The following CSMD3 variants were observed in gnomAD, a reference collection of about 807,000 sequenced individuals.
CSMD3 encodes the protein CUB and sushi domain-containing protein 3.
Under a neutral mutation model 435.2 loss-of-function variants are expected in CSMD3, and 177 were observed. That is an observed-to-expected ratio of 0.41 (90% CI 0.36 to 0.46). The LOEUF (loss-of-function observed/expected upper bound fraction) is 0.46, where lower values mean the gene tolerates loss of function less well. Ranked by LOEUF, CSMD3 falls within the 20% of genes least tolerant of loss-of-function variation. The pLI, the probability that CSMD3 is intolerant of heterozygous loss-of-function variation, is 0.34. For missense variants in CSMD3, 4,265 were observed against 4,504.6 expected (o/e 0.95, Z 1.52); for synonymous variants, 1,656 against 1,520.5 (o/e 1.09, Z -2.07).
chr8:112,253,768 T>A (rs2130249031), intron 63 of CSMD3, among the ~76,000 whole-genome samples: 1 of 152,174 alleles, frequency 6.6e-6, no homozygotes, highest in African/African-American at 2.4e-5. Flanking sequence ...GTTCTGGTTA[T>A]TTTTCAGCAA....
chr8:112,995,071 C>T (rs1483444346), intron 6 of CSMD3, among the ~76,000 whole-genome samples: 3 of 151,404 alleles, frequency 2.0e-5, no homozygotes, highest in Non-Finnish European at 3.0e-5. Flanking sequence ...GCACTATTCT[C>T]AGTCGGAAGA....
intron 45 of CSMD3, 74 bp downstream of exon 45, chr8:112,335,255 T>C: frequency 7.3e-7 from 1 of 1,372,742 alleles, no homozygotes; most frequent in Non-Finnish European, 1.0e-6. Context: ...TGGTTAAATA[T>C]ATATTACATT....
At chr8:112,521,290 G>T (rs997938631) in intron 27 of CSMD3, among the ~76,000 whole-genome samples, 90 of 152,020 alleles carry the variant, frequency 5.9e-4, no homozygotes, top group Admixed American at 1.0e-3. Context: ...ATTGTCTCCA[G>T]TTTTATCGTC....
intron 5 of CSMD3, among the ~76,000 whole-genome samples, chr8:113,088,960 T>C (rs1466077923): frequency 6.6e-6 from 1 of 152,202 alleles, no homozygotes; most frequent in Non-Finnish European, 1.5e-5. Context: ...CACCTGAATA[T>C]TGAACATTAA....
intron 32 of CSMD3, among the ~76,000 whole-genome samples, chr8:112,450,879 T>A (rs1816184340): frequency 6.6e-6 from 1 of 152,118 alleles, no homozygotes; most frequent in African/African-American, 2.4e-5. Flanking sequence ...ATGTGCATGC[T>A]CTCTGATCTG....
intron 10 of CSMD3, among the ~76,000 whole-genome samples, chr8:112,870,565 T>C (rs548482918): frequency 1.3e-5 from 2 of 152,074 alleles, no homozygotes; most frequent in Non-Finnish European, 2.9e-5. Context: ...CGTGAGCCAC[T>C]GCGCCCGGCC....
intron 4 of CSMD3, among the ~76,000 whole-genome samples, chr8:113,112,277 C>A (rs766046502): frequency 5.4e-5 from 8 of 149,082 alleles, no homozygotes; most frequent in Non-Finnish European, 1.2e-4. Flanking sequence ...GGTTGGATAC[C>A]AAGAATTGAC....
intron 1 of CSMD3, among the ~76,000 whole-genome samples, chr8:113,364,154 C>T (rs963331225): frequency 5.9e-5 from 9 of 152,016 alleles, no homozygotes; most frequent in African/African-American, 2.2e-4. Context: ...TGTTCTGGAG[C>T]CATTGGCTTA....
chr8:113,194,464 A>G (rs1024180707), intron 3 of CSMD3, among the ~76,000 whole-genome samples: 1 of 151,350 alleles, frequency 6.6e-6, no homozygotes, highest in African/African-American at 2.4e-5. Flanking sequence ...ATAGGAAACT[A>G]TGATGGTAGA....
chr8:112,936,962 A>T (rs1251218792), intron 9 of CSMD3, among the ~76,000 whole-genome samples: 1 of 152,116 alleles, frequency 6.6e-6, no homozygotes, highest in Non-Finnish European at 1.5e-5. Context: ...TTACATTAAC[A>T]TTGCAATTAC....
At chr8:112,797,181 C>T (rs1017981988) in intron 13 of CSMD3, among the ~76,000 whole-genome samples, 2 of 151,764 alleles carry the variant, frequency 1.3e-5, no homozygotes, top group African/African-American at 4.8e-5. Flanking sequence ...AATTTTTGTT[C>T]CTCTCTCAAT....
At chr8:112,801,085 C>A (rs566138808) in intron 12 of CSMD3, among the ~76,000 whole-genome samples, 3 of 151,914 alleles carry the variant, frequency 2.0e-5, no homozygotes, top group Non-Finnish European at 4.4e-5. Context: ...TAAATGTCCA[C>A]ATTGATAAGA....
At chr8:112,491,920 G>T (rs1820739721) in intron 31 of CSMD3, among the ~76,000 whole-genome samples, 1 of 151,954 alleles carries the variant, frequency 6.6e-6, no homozygotes, top group Admixed American at 6.6e-5. Flanking sequence ...CCTAAGCAAT[G>T]ATATCACTGT....
intron 1 of CSMD3, among the ~76,000 whole-genome samples, chr8:113,385,509 A>G (rs1270488807): frequency 6.6e-6 from 1 of 152,120 alleles, no homozygotes. Flanking sequence ...CTGATTGGGA[A>G]TACATTACCA....
intron 15 of CSMD3, among the ~76,000 whole-genome samples, chr8:112,685,134 C>A (rs1446802764): frequency 6.6e-6 from 1 of 151,934 alleles, no homozygotes; most frequent in Non-Finnish European, 1.5e-5. Context: ...GCTGATATAA[C>A]AATTATAAAT....
At chr8:113,314,981 G>A (rs566587738) in intron 1 of CSMD3, among the ~76,000 whole-genome samples, 188 bp from the exon 2 acceptor site, 332 of 152,138 alleles carry the variant, frequency 2.2e-3, no homozygotes, top group African/African-American at 7.8e-3. Context: ...AATAATAGAA[G>A]ATTTATCATT....
At chr8:113,262,811 T>C (rs2093437860) in intron 3 of CSMD3, among the ~76,000 whole-genome samples, 2 of 152,046 alleles carry the variant, frequency 1.3e-5, no homozygotes, top group African/African-American at 4.8e-5. Flanking sequence ...ACCCTGAGTC[T>C]TAGACATGAA....
intron 16 of CSMD3, among the ~76,000 whole-genome samples, chr8:112,679,475 C>T (rs147141672): frequency 1.2e-3 from 182 of 152,248 alleles, no homozygotes; most frequent in Admixed American, 2.4e-3. Context: ...TAGAGAAAAA[C>T]AATTCTTGTC....
intron 12 of CSMD3, among the ~76,000 whole-genome samples, chr8:112,813,883 C>A (rs953401023): frequency 3.3e-5 from 5 of 152,148 alleles, no homozygotes; most frequent in African/African-American, 1.2e-4. Flanking sequence ...CTGAATCCCA[C>A]GTTGCCATCC....
Sources: gnomAD v4.1 joint callset for allele counts (sites outside exome capture counted in the v4.1 genomes callset) on GRCh38, gnomAD v4.1.1 for gene constraint, MANE v1.5 for transcripts, NCBI Gene and HGNC (gene_info 2026-07-23, HGNC 2026-07-21) for gene names.